The following AKAP19 variants were observed in gnomAD, a reference collection of about 807,000 sequenced individuals.
AKAP19 encodes the protein small A-kinase anchoring protein.
At chr2:190,061,699 C>T in the AKAP19 span, among the ~76,000 whole-genome samples, 2 of 152,132 alleles carry the variant, frequency 1.3e-5, no homozygotes, top group East Asian at 3.9e-4. Context: ...AGTGTAATAG[C>T]TCTCAAAATT....
the AKAP19 span, among the ~76,000 whole-genome samples, chr2:190,183,583 A>T: frequency 1.3e-5 from 2 of 152,182 alleles, no homozygotes; most frequent in African/African-American, 4.8e-5. Flanking sequence ...TCAAACTATT[A>T]GTCTGTAAAG....
the AKAP19 span, among the ~76,000 whole-genome samples, chr2:189,988,265 A>C: frequency 6.6e-6 from 1 of 152,184 alleles, no homozygotes; most frequent in Non-Finnish European, 1.5e-5. Flanking sequence ...GGCTTAGAAA[A>C]CATGTCCAAA....
At chr2:189,922,304 TTA>T in the AKAP19 span, among the ~76,000 whole-genome samples, 2 of 152,174 alleles carry the variant, frequency 1.3e-5, no homozygotes, top group African/African-American at 4.8e-5. Context: ...TAAACAGGAA[TTA>T]TATCAGATTT....
the AKAP19 span, among the ~76,000 whole-genome samples, chr2:190,115,523 T>G: frequency 1.4e-5 from 2 of 144,420 alleles, no homozygotes; most frequent in East Asian, 2.0e-4. Flanking sequence ...GTTTCACCGT[T>G]TTAGCTGGGA....
the AKAP19 span, among the ~76,000 whole-genome samples, chr2:190,116,463 C>T: frequency 3.8e-4 from 58 of 152,310 alleles, no homozygotes; most frequent in African/African-American, 1.3e-3. Flanking sequence ...TAGTCCCCAT[C>T]TCCCAACACC....
At chr2:190,088,750 G>A in the AKAP19 span, among the ~76,000 whole-genome samples, 2 of 152,148 alleles carry the variant, frequency 1.3e-5, no homozygotes, top group Non-Finnish European at 2.9e-5. Flanking sequence ...CATTTTGTGT[G>A]TTATAGATAC....
At chr2:190,035,423 T>C in the AKAP19 span, among the ~76,000 whole-genome samples, 1 of 150,538 alleles carries the variant, frequency 6.6e-6, no homozygotes, top group African/African-American at 2.5e-5. Flanking sequence ...AGAGCCAGAC[T>C]CCATCTCAAA....
the AKAP19 span, among the ~76,000 whole-genome samples, chr2:189,910,645 C>T: frequency 4.6e-5 from 7 of 151,840 alleles, no homozygotes; most frequent in South Asian, 1.0e-3. Flanking sequence ...AGAGACAAAG[C>T]GTAACCATAT....
At chr2:190,073,339 G>A in the AKAP19 span, among the ~76,000 whole-genome samples, 21 of 152,150 alleles carry the variant, frequency 1.4e-4, no homozygotes, top group Non-Finnish European at 2.6e-4. Flanking sequence ...ATGTAGAACA[G>A]TATTTTTCAA....
chr2:190,083,571 A>G, the AKAP19 span, among the ~76,000 whole-genome samples: 3 of 140,830 alleles, frequency 2.1e-5, no homozygotes, highest in East Asian at 2.0e-4. Context: ...GTGGGCTGAT[A>G]CAAAGTTGTT....
chr2:189,953,333 G>A, the AKAP19 span, among the ~76,000 whole-genome samples: 1 of 152,078 alleles, frequency 6.6e-6, no homozygotes, highest in Non-Finnish European at 1.5e-5. Flanking sequence ...ATTGAGCACT[G>A]TTATAAGACT....
the AKAP19 span, among the ~76,000 whole-genome samples, chr2:190,132,678 C>T: frequency 2.0e-5 from 3 of 151,948 alleles, no homozygotes; most frequent in Non-Finnish European, 2.9e-5. Flanking sequence ...AACTGTAAAA[C>T]TACTAGGAAA....
chr2:189,942,523 G>A, the AKAP19 span, among the ~76,000 whole-genome samples: 1 of 152,134 alleles, frequency 6.6e-6, no homozygotes, highest in Non-Finnish European at 1.5e-5. Flanking sequence ...TACTATAAAG[G>A]TACCTCAAAA....
chr2:190,114,992 C>T, the AKAP19 span, among the ~76,000 whole-genome samples: 1 of 151,012 alleles, frequency 6.6e-6, no homozygotes, highest in Admixed American at 6.6e-5. Flanking sequence ...GCTCATGTTC[C>T]TTAGAGATCT....
At chr2:189,902,624 G>A in the AKAP19 span, among the ~76,000 whole-genome samples, 4,898 of 151,978 alleles carry the variant, frequency 0.032, 131 homozygotes, top group Admixed American at 0.056. Context: ...TATTACATGA[G>A]TGCTAATATG....
At chr2:189,922,479 G>T in the AKAP19 span, among the ~76,000 whole-genome samples, 2 of 152,150 alleles carry the variant, frequency 1.3e-5, no homozygotes, top group Non-Finnish European at 2.9e-5. Context: ...AGATACAGTT[G>T]ATCCCTGCTG....
At chr2:190,176,216 T>A in the AKAP19 span, among the ~76,000 whole-genome samples, 531 of 152,342 alleles carry the variant, frequency 3.5e-3, 2 homozygotes, top group African/African-American at 0.012. This position sits in a 1 kb window ranked among gnomAD's most constrained non-coding sequence, Gnocchi z 4.7. Flanking sequence ...TCTGGGAAAA[T>A]GGTAAACAAG....
At chr2:190,180,459 C>A in the AKAP19 span, 6 of 985,382 alleles carry the variant, frequency 6.1e-6, no homozygotes, top group East Asian at 2.3e-4. The surrounding 1 kb of genome is among the most constrained non-coding windows in gnomAD (Gnocchi z 6.8). Context: ...GCAGGGCCAG[C>A]GAAATGCCTC....
At chr2:190,124,359 C>A in the AKAP19 span, among the ~76,000 whole-genome samples, 1 of 152,178 alleles carries the variant, frequency 6.6e-6, no homozygotes. Flanking sequence ...ATGGTATAGC[C>A]TATAACTTCT....
Sources: gnomAD v4.1 joint callset for allele counts (sites outside exome capture counted in the v4.1 genomes callset) on GRCh38, gnomAD v4.1.1 for gene constraint, Gnocchi (gnomAD v3.1) non-coding constraint, MANE v1.5 for transcripts, NCBI Gene and HGNC (gene_info 2026-07-23, HGNC 2026-07-21) for gene names.